The following CNTN1 variants were observed in gnomAD, a reference collection of about 807,000 sequenced individuals.
CNTN1 encodes the protein contactin 1.
Under a neutral mutation model 126.4 loss-of-function variants are expected in CNTN1, and 38 were observed. The observed-to-expected ratio is 0.30, with a 90% CI of 0.23 to 0.39. The LOEUF (loss-of-function observed/expected upper bound fraction) is 0.39. CNTN1 is among the 10% of genes least tolerant of loss of function. The probability of loss-of-function intolerance (pLI) is 1.00; values close to 1 mark genes in which losing one functional copy is unlikely to be tolerated. For synonymous variants in CNTN1, 413 were observed against 422.6 expected (o/e 0.98, Z 0.28); for missense variants, 1,009 against 1,248.4 (o/e 0.81, Z 2.89).
intron 23 of CNTN1, among the ~76,000 whole-genome samples, chr12:41,035,406 T>G (rs1482406379): frequency 6.6e-6 from 1 of 152,196 alleles, no homozygotes; most frequent in Non-Finnish European, 1.5e-5. Flanking sequence ...CAAAAACATT[T>G]TGTTCTCTAG....
At chr12:40,728,482 C>G (rs748694134) in intron 1 of CNTN1, among the ~76,000 whole-genome samples, 1 of 152,092 alleles carries the variant, frequency 6.6e-6, no homozygotes, top group African/African-American at 2.4e-5. Context: ...GAAATACTAC[C>G]TAGCGACTTC....
At chr12:40,730,219 C>T (rs998986286) in intron 1 of CNTN1, among the ~76,000 whole-genome samples, 7 of 152,222 alleles carry the variant, frequency 4.6e-5, no homozygotes, top group Admixed American at 4.6e-4. Context: ...TGGTGGCTGA[C>T]TGTTGCAGGG....
chr12:40,786,796 C>T (rs1379105819), intron 1 of CNTN1, among the ~76,000 whole-genome samples: 1 of 152,122 alleles, frequency 6.6e-6, no homozygotes, highest in East Asian at 1.9e-4. Flanking sequence ...CCAGAAGATA[C>T]TAGAATGTGG....
chr12:41,059,897 A>G (rs939100444), intron 23 of CNTN1, among the ~76,000 whole-genome samples: 1 of 152,050 alleles, frequency 6.6e-6, no homozygotes, highest in Admixed American at 6.5e-5. Flanking sequence ...ATGGTCATGC[A>G]TGTCTCTAAT....
chr12:40,825,638 T>C (rs1030513426), intron 1 of CNTN1, among the ~76,000 whole-genome samples: 7 of 152,234 alleles, frequency 4.6e-5, no homozygotes, highest in African/African-American at 1.7e-4. Context: ...ATTGGCTCTT[T>C]ATTACGACCT....
intron 14 of CNTN1, among the ~76,000 whole-genome samples, chr12:40,947,627 C>T (rs1013269722): frequency 5.3e-5 from 8 of 151,724 alleles, no homozygotes; most frequent in African/African-American, 1.7e-4. Flanking sequence ...TAGAATTTTT[C>T]AGTAGCCCTC....
At chr12:40,890,887 G>T (rs1331061541) in intron 1 of CNTN1, among the ~76,000 whole-genome samples, 2 of 152,092 alleles carry the variant, frequency 1.3e-5, no homozygotes, top group Non-Finnish European at 2.9e-5. Context: ...GGATCATATG[G>T]TAAGAATATG....
chr12:40,960,339 T>G (rs561485911), intron 15 of CNTN1, among the ~76,000 whole-genome samples: 50 of 152,226 alleles, frequency 3.3e-4, no homozygotes, highest in African/African-American at 1.2e-3. Context: ...AAAATATTTA[T>G]TGAACATTAA....
chr12:40,794,963 C>A (rs969344235), intron 1 of CNTN1, among the ~76,000 whole-genome samples: 1 of 152,002 alleles, frequency 6.6e-6, no homozygotes, highest in African/African-American at 2.4e-5. Context: ...ACTTACTTAA[C>A]CAAACACTAA....
chr12:40,958,557 T>C (rs1381530568), intron 14 of CNTN1, among the ~76,000 whole-genome samples: 2 of 152,050 alleles, frequency 1.3e-5, no homozygotes, highest in Admixed American at 6.6e-5. Context: ...GAATAGAGCA[T>C]TGAACAAAAC....
At chr12:40,951,326 C>T (rs1946670623) in intron 14 of CNTN1, among the ~76,000 whole-genome samples, 2 of 152,118 alleles carry the variant, frequency 1.3e-5, no homozygotes, top group Non-Finnish European at 2.9e-5. Flanking sequence ...CAAACACACT[C>T]TTAGTAATTA....
At chr12:40,723,322 T>A (rs1031702907) in intron 1 of CNTN1, among the ~76,000 whole-genome samples, 2 of 152,258 alleles carry the variant, frequency 1.3e-5, no homozygotes, top group Non-Finnish European at 2.9e-5. Context: ...AGATTTCATC[T>A]CTAATAACTA....
intron 1 of CNTN1, among the ~76,000 whole-genome samples, chr12:40,754,736 TA>T (rs1210325223): frequency 1.3e-5 from 2 of 152,122 alleles, no homozygotes; most frequent in Non-Finnish European, 2.9e-5. Flanking sequence ...TTCATAGTTT[TA>T]AAAATTAAAT....
chr12:40,949,487 C>T (rs1198361873), intron 14 of CNTN1, among the ~76,000 whole-genome samples: 1 of 135,142 alleles, frequency 7.4e-6, no homozygotes, highest in Non-Finnish European at 1.6e-5. Context: ...CATGTGATCT[C>T]ATTGTTCAAT....
intron 1 of CNTN1, among the ~76,000 whole-genome samples, chr12:40,727,530 GA>G (rs1942389688): frequency 1.3e-5 from 2 of 151,754 alleles, no homozygotes; most frequent in Non-Finnish European, 2.9e-5. Context: ...AGATTCAAAT[GA>G]TAAATAATAT....
In CNTN1 at chr12:41,014,248, G is replaced by C. The variant is rs1948730535; in HGVS notation, c.2134G>C (p.Asp712His). 1.2e-6 allele frequency: 2 copies of C among 1,613,800 alleles called. No individual in the cohort carries two copies. The highest frequency in any genetic ancestry group is 1.7e-6 in the Non-Finnish European group (2 of 1,179,852). Residue 712 changes from aspartate to histidine, a missense_variant, in exon 18 of 24, where the codon GAT (aspartate) becomes CAT (histidine). Coordinates refer to ENST00000551295, the MANE Select transcript of CNTN1 (RefSeq NM_001843.4). ...TTCAGCACCAAATGTGGCTCCTTCA[G>C]ATGTAGGAGGTGGAGGTGGAAGAAA... ...DGAAPNVAPSDVGGGGGRNRE... is the reference protein window; with the variant it reads ...DGAAPNVAPSHVGGGGGRNRE...
chr12:40,698,803 C>A (rs1217992809), intron 1 of CNTN1, among the ~76,000 whole-genome samples: 4 of 152,006 alleles, frequency 2.6e-5, no homozygotes, highest in Admixed American at 2.6e-4. Flanking sequence ...TTAAATGGTA[C>A]GTGGTAACTT....
intron 17 of CNTN1, among the ~76,000 whole-genome samples, chr12:40,999,875 T>C (rs1339502839): frequency 6.6e-6 from 1 of 151,826 alleles, no homozygotes; most frequent in African/African-American, 2.4e-5. Context: ...GCTAGTTTTG[T>C]TTTTGTATTT....
In CNTN1 at chr12:41,045,388, T is replaced by C. The variant is rs1322743860; in HGVS notation, c.2980+16169T>C. 4.6e-5 allele frequency among the ~76,000 whole-genome samples: 7 copies of C among 152,084 alleles called. No individual in the cohort carries two copies. The South Asian group carries it at 1.5e-3, about 32-fold the overall frequency. On this transcript the variant is annotated intron_variant, in intron 23 of 23. Coordinates refer to ENST00000551295, the MANE Select transcript of CNTN1 (RefSeq NM_001843.4). ...CAATTGTCTGTTCTGAGAAAGGGAG[T>C]TGGGTTTTAAATTTTCTCTCCTGAG...
Sources: gnomAD v4.1 joint callset for allele counts (sites outside exome capture counted in the v4.1 genomes callset) on GRCh38, gnomAD v4.1.1 for gene constraint, MANE v1.5 for transcripts, NCBI Gene and HGNC (gene_info 2026-07-23, HGNC 2026-07-21) for gene names.